The following RUNX1T1 variants were observed in gnomAD, a reference collection of about 807,000 sequenced individuals.
RUNX1T1 encodes protein CBFA2T1.
RUNX1T1 carries 4 observed loss-of-function variants against 62.8 expected under a neutral mutation model. That is an observed-to-expected ratio of 0.06 (90% CI 0.03 to 0.15). The LOEUF (loss-of-function observed/expected upper bound fraction) is 0.15, where lower values mean the gene tolerates loss of function less well. Among genes scored for constraint, RUNX1T1 ranks in the 10% least tolerant of loss-of-function variants. RUNX1T1 has a pLI of 1.00. For missense variants in RUNX1T1, 508 were observed against 754.3 expected, an observed-to-expected ratio of 0.67 and a Z score of 3.82; for synonymous variants, 291 against 286.0, an observed-to-expected ratio of 1.02 and a Z score of -0.18.
intron 1 of RUNX1T1, among the ~76,000 whole-genome samples, chr8:92,059,697 C>T (rs981631298): frequency 1.3e-4 from 20 of 152,096 alleles, no homozygotes; most frequent in Admixed American, 1.2e-3. Context: ...CATGATGTGG[C>T]CATGTGTTAA....
At chr8:92,058,733 T>G (rs2130536286) in intron 1 of RUNX1T1, among the ~76,000 whole-genome samples, 1 of 152,310 alleles carries the variant, frequency 6.6e-6, no homozygotes, top group Non-Finnish European at 1.5e-5. Flanking sequence ...TCAGAAGGCT[T>G]TTCAGAAAAT....
At chr8:92,074,385 C>G (rs1187323974) in intron 2 of RUNX1T1, among the ~76,000 whole-genome samples, 1 of 152,168 alleles carries the variant, frequency 6.6e-6, no homozygotes, top group African/African-American at 2.4e-5. Flanking sequence ...GATAGTAACT[C>G]TATGTATCTG....
At chr8:92,084,458 T>C (rs1370873531) in intron 1 of RUNX1T1, among the ~76,000 whole-genome samples, 2 of 152,106 alleles carry the variant, frequency 1.3e-5, no homozygotes, top group African/African-American at 4.8e-5. Context: ...CAACATGCTG[T>C]TGGAACCAAA....
At chr8:92,053,973 G>C (rs1004371456) in intron 1 of RUNX1T1, among the ~76,000 whole-genome samples, 6 of 152,064 alleles carry the variant, frequency 3.9e-5, no homozygotes, top group African/African-American at 1.4e-4. Context: ...ACACAGAAGT[G>C]GAGTAAAAGG....
At chr8:92,033,956 G>A (rs919741843) in intron 1 of RUNX1T1, among the ~76,000 whole-genome samples, 8 of 151,746 alleles carry the variant, frequency 5.3e-5, no homozygotes, top group Non-Finnish European at 8.8e-5. Context: ...GCAATAGAGC[G>A]AGACTCTGTC....
intron 5 of RUNX1T1, among the ~76,000 whole-genome samples, chr8:91,994,276 C>T (rs1021531961): frequency 6.6e-6 from 1 of 151,890 alleles, no homozygotes; most frequent in African/African-American, 2.4e-5. Flanking sequence ...AATTGCATTG[C>T]TTTAAAATAA....
chr8:92,098,588 A>G (rs1449886029), intron 1 of RUNX1T1, among the ~76,000 whole-genome samples: 1 of 152,174 alleles, frequency 6.6e-6, no homozygotes, highest in Non-Finnish European at 1.5e-5. Flanking sequence ...CTTTTTTTTA[A>G]TATCAAAGGT....
At chr8:92,076,768 T>C (rs1834490444) in intron 1 of RUNX1T1, among the ~76,000 whole-genome samples, 1 of 152,112 alleles carries the variant, frequency 6.6e-6, no homozygotes, top group Non-Finnish European at 1.5e-5. Context: ...CTTTTAATAA[T>C]ATAAATTTTC....
chr8:91,955,178 T>C (rs775883259), downstream of RUNX1T1: 1 of 216,926 alleles, frequency 4.6e-6, no homozygotes, highest in Non-Finnish European at 9.3e-6. Flanking sequence ...AGTCTCATAC[T>C]GTTCGCGTAA....
At chr8:92,058,745 A>C (rs562483233) in intron 1 of RUNX1T1, among the ~76,000 whole-genome samples, 28 of 152,214 alleles carry the variant, frequency 1.8e-4, no homozygotes, top group Non-Finnish European at 3.4e-4. Context: ...TCAGAAAATT[A>C]TAATTACAGC....
At chr8:92,006,712 G>A (rs1415689317) in intron 4 of RUNX1T1, 2 of 149,752 alleles carry the variant, frequency 1.3e-5, no homozygotes, top group Admixed American at 1.3e-4. Flanking sequence ...TGCAGAGTGT[G>A]GAGGTTTGTT....
intron 5 of RUNX1T1, among the ~76,000 whole-genome samples, chr8:91,999,674 A>C (rs531358841): frequency 6.6e-6 from 1 of 152,312 alleles, no homozygotes; most frequent in African/African-American, 2.4e-5. Flanking sequence ...TGAGGAAAGA[A>C]GTGCTATATG....
intron 1 of RUNX1T1, among the ~76,000 whole-genome samples, chr8:92,043,886 G>A (rs1828910163): frequency 1.3e-5 from 2 of 150,998 alleles, no homozygotes; most frequent in Admixed American, 6.6e-5. Context: ...GCTGAGGCAG[G>A]AGAATCGCTT....
At chr8:92,052,351 CT>C (rs1380426581) in intron 1 of RUNX1T1, among the ~76,000 whole-genome samples, 1 of 152,130 alleles carries the variant, frequency 6.6e-6, no homozygotes, top group Non-Finnish European at 1.5e-5. Context: ...AGCACCCTCC[CT>C]TGATTCTCAG....
At chr8:91,972,055 T>C (rs1212972984) in intron 9 of RUNX1T1, among the ~76,000 whole-genome samples, 1 of 152,192 alleles carries the variant, frequency 6.6e-6, no homozygotes, top group Non-Finnish European at 1.5e-5. Flanking sequence ...AAACTAATTA[T>C]GACATGTTTC....
intron 1 of RUNX1T1, among the ~76,000 whole-genome samples, chr8:92,076,976 C>T (rs7005007): frequency 0.1 from 15,512 of 151,962 alleles, 2,583 homozygotes; most frequent in African/African-American, 0.35. Flanking sequence ...AGGAACTCAA[C>T]AAATGCAAGG....
chr8:91,986,285 C>T lies in RUNX1T1; in HGVS notation c.1037G>A (p.Arg346Gln), dbSNP rs1554604800. 1.2e-6 allele frequency: 2 copies of T among 1,613,786 alleles called. No homozygotes were observed. Among genetic ancestry groups the T allele is most frequent in the Non-Finnish European group, 1.7e-6 (2 of 1,179,940 alleles). ...ACACCGCCTTAGTACGGTGAGAGAT[C>T]GCCTTGTTTTTTCTACCATGTCCAT... The change falls in exon 8 of 11, where the codon CGA becomes CAA. Residue 346 changes from arginine to glutamine, a missense_variant. Physicochemically the swap from Arg to Gln is conservative, Grantham distance 43. Transcript: ENST00000396218.
At chr8:92,022,093 T>C (rs1378532301) in intron 1 of RUNX1T1, among the ~76,000 whole-genome samples, 4 of 151,908 alleles carry the variant, frequency 2.6e-5, no homozygotes, top group African/African-American at 9.7e-5. Flanking sequence ...TTCCAACCAA[T>C]GCAAATGGTA....
chr8:91,957,727 C>A (rs532770135), downstream of RUNX1T1: 25 of 225,516 alleles, frequency 1.1e-4, no homozygotes, highest in East Asian at 1.6e-3. Context: ...AAGGACTGTC[C>A]AGTGTCACAA....
Sources: gnomAD v4.1 joint callset for allele counts (sites outside exome capture counted in the v4.1 genomes callset) on GRCh38, gnomAD v4.1.1 for gene constraint, MANE v1.5 for transcripts, NCBI Gene and HGNC (gene_info 2026-07-23, HGNC 2026-07-21) for gene names.